The following PROM1 variants were observed in gnomAD, a reference collection of about 807,000 sequenced individuals.
PROM1 encodes the protein prominin 1.
PROM1 carries 105 observed loss-of-function variants against 116.9 expected under a neutral mutation model. That is an observed-to-expected ratio of 0.90 (90% CI 0.77 to 1.06). PROM1 has a LOEUF of 1.06. Ranked by LOEUF, PROM1 falls within the 50% of genes least tolerant of loss-of-function variation. The probability of loss-of-function intolerance (pLI) is 0.00; values close to 1 mark genes in which losing one functional copy is unlikely to be tolerated. For synonymous variants in PROM1, 393 were observed against 387.0 expected (o/e 1.02, Z -0.18); for missense variants, 1,122 against 1,045.2 (o/e 1.07, Z -1.01).
chr4:16,082,313 C>T (rs1745190714), intron 1 of PROM1: 1 of 152,040 alleles, frequency 6.6e-6, no homozygotes, highest in Admixed American at 6.6e-5. Flanking sequence ...TATGATTCAA[C>T]CCAACATATC....
intron 15 of PROM1, among the ~76,000 whole-genome samples, chr4:15,997,357 T>C (rs1353328103): frequency 2.0e-5 from 3 of 149,392 alleles, no homozygotes; most frequent in Non-Finnish European, 4.5e-5. Flanking sequence ...GCTCACTGTG[T>C]AGTGTCTGCT....
At chr4:15,990,023 C>A (rs1451082330) in intron 18 of PROM1, among the ~76,000 whole-genome samples, 199 bp from the exon 19 acceptor site, 15 of 152,064 alleles carry the variant, frequency 9.9e-5, no homozygotes, top group Non-Finnish European at 2.1e-4. Flanking sequence ...GGACTCTCAG[C>A]AATAACCCAC....
intron 2 of PROM1, among the ~76,000 whole-genome samples, chr4:16,058,530 C>T (rs1298063107): frequency 6.6e-6 from 1 of 151,682 alleles, no homozygotes; most frequent in African/African-American, 2.4e-5. Context: ...GCCTGTAATC[C>T]CAGCTACTGA....
In PROM1 at chr4:16,061,143, G is replaced by C. The variant is rs539322126; in HGVS notation, c.220+14544C>G. On this transcript the variant is annotated intron_variant, in intron 2 of 27. Coordinates refer to ENST00000447510, the MANE Select transcript of PROM1 (RefSeq NM_006017.3). ...CTTGGAAATAAATTGTTAAGTCCCT[G>C]AAATAGAAATAGCCATCACAAAATC... 3.3e-5 allele frequency among the ~76,000 whole-genome samples: 5 copies of C among 152,276 alleles called. No homozygotes were observed. The South Asian group carries it at 1.0e-3, about 32-fold the overall frequency.
intron 2 of PROM1, among the ~76,000 whole-genome samples, chr4:16,052,022 C>T (rs1222111475): frequency 6.6e-6 from 1 of 152,212 alleles, no homozygotes; most frequent in Non-Finnish European, 1.5e-5. Flanking sequence ...TGCCCAAAGG[C>T]TACCTTCTTT....
chr4:15,975,205 C>T lies in PROM1; in HGVS notation c.2583-4123G>A, dbSNP rs62288712. Among the ~76,000 whole-genome samples the T allele has an allele frequency of 8.2e-3, 1,244 of 152,272 alleles. 9 individuals are homozygous for T. Among genetic ancestry groups the T allele is most frequent in the Non-Finnish European group, 0.014 (940 of 68,002 alleles). ...ACCTCATTGAACCCTCACAACCCTA[C>T]GCAAACAAGGCTCTTATTTTTATTT... On this transcript the variant is annotated intron_variant, in intron 26 of 27. Transcript: ENST00000447510.
Position 16,076,081 on chromosome 4 carries a change from A to G in PROM1, c.-175T>C. The G allele has an allele frequency of 7.5e-7, 1 of 1,331,502 alleles. No homozygotes were observed. The allele number at this position is 1,331,502 out of a possible 1,614,324, so 82.5% of individuals were successfully genotyped here. A position where few individuals can be genotyped will look rare whatever the true frequency, so the allele number is the denominator to read the frequency against. On this transcript the variant is annotated 5_prime_UTR_variant, in exon 2 of 28. Transcript: ENST00000447510. ...GGCTTGAGGCGAGGGATGCGGAAGA[A>G]TGTTCTCCAAGGGGGTCATTCACTC...
intron 2 of PROM1, among the ~76,000 whole-genome samples, chr4:16,045,311 C>T (rs1371727107): frequency 2.0e-5 from 3 of 152,120 alleles, no homozygotes; most frequent in African/African-American, 7.2e-5. Flanking sequence ...TGCATGTTTG[C>T]CCTCTTTATT....
intron 12 of PROM1, among the ~76,000 whole-genome samples, chr4:16,007,196 G>A (rs767644329): frequency 6.6e-6 from 1 of 152,146 alleles, no homozygotes; most frequent in Non-Finnish European, 1.5e-5. Context: ...AATATTTGGG[G>A]CCACTGTGTT....
chr4:16,080,868 G>C (rs1744906134), intron 1 of PROM1, among the ~76,000 whole-genome samples: 1 of 152,152 alleles, frequency 6.6e-6, no homozygotes, highest in Non-Finnish European at 1.5e-5. Context: ...AGCAATGATG[G>C]CAGCAATGCC....
chr4:16,028,624 C>G (rs28704931), intron 5 of PROM1, among the ~76,000 whole-genome samples: 6,427 of 152,088 alleles, frequency 0.042, 459 homozygotes, highest in African/African-American at 0.15. Flanking sequence ...CCCTGTTGTT[C>G]AGTGTATTTT....
At chr4:15,977,834 G>A (rs60617563) in intron 26 of PROM1, among the ~76,000 whole-genome samples, 3,640 of 152,244 alleles carry the variant, frequency 0.024, 58 homozygotes, top group East Asian at 0.1. Flanking sequence ...TCCTGACCTC[G>A]TGATCCACCC....
chr4:16,046,475 G>C (rs1487436834), intron 2 of PROM1, among the ~76,000 whole-genome samples: 1 of 152,136 alleles, frequency 6.6e-6, no homozygotes, highest in African/African-American at 2.4e-5. Context: ...GAAATGTCTA[G>C]TTATTTGCAT....
chr4:16,015,093 C>G (rs1727953567), intron 10 of PROM1, among the ~76,000 whole-genome samples: 1 of 152,160 alleles, frequency 6.6e-6, no homozygotes, highest in Non-Finnish European at 1.5e-5. Context: ...TGCCTGTAAT[C>G]CCAGCACTTT....
At chr4:16,064,085 A>T (rs1740954830) in intron 2 of PROM1, among the ~76,000 whole-genome samples, 2 of 152,206 alleles carry the variant, frequency 1.3e-5, no homozygotes, top group South Asian at 4.1e-4. Flanking sequence ...AGATGAAAAA[A>T]ATGCATACCC....
chr4:16,008,977 G>T lies in PROM1; in HGVS notation c.1273C>A (p.Pro425Thr). The change falls in exon 12 of 28, where the codon CCT (proline) becomes ACT (threonine). Residue 425 changes from proline to threonine, a missense_variant. By Grantham distance (38) the Pro-to-Thr change is conservative (BLOSUM62 -1). Coordinates refer to ENST00000447510, the MANE Select transcript of PROM1 (RefSeq NM_006017.3). Reference sequence around the variant, plus strand: ...TATGAATCATACTCTTCCAATGTAGGTAAATTTCTGTGGATGTAACTTTCA... The same window carrying T: ...TATGAATCATACTCTTCCAATGTAGTTAAATTTCTGTGGATGTAACTTTCA... ...NTESYIHRNL[P>T]TLEEYDSYWW... 6.3e-7 allele frequency: 1 copy of T among 1,593,616 alleles called. No homozygotes were observed. The highest frequency in any genetic ancestry group is 8.6e-7 in the Non-Finnish European group (1 of 1,162,314).
Position 16,016,149 on chromosome 4 carries a change from T to A in PROM1, c.1077+17A>T, listed in dbSNP as rs748491065. The A allele has an allele frequency of 9.7e-6, 15 of 1,545,552 alleles. No individual in the cohort carries two copies. The Admixed American group carries it at 1.8e-4, about 18-fold the overall frequency. On this transcript the variant is annotated intron_variant, in intron 10 of 27. Coordinates refer to ENST00000447510, the MANE Select transcript of PROM1 (RefSeq NM_006017.3). Reference sequence around the variant, plus strand: ...AATGATATAAAATCAGTGATTGTATTTTTTCCAAAAGCATACCTGTTGGAC... The same window carrying A: ...AATGATATAAAATCAGTGATTGTATATTTTCCAAAAGCATACCTGTTGGAC...
chr4:16,006,916 T>A (rs1725659217), intron 12 of PROM1, among the ~76,000 whole-genome samples: 1 of 152,224 alleles, frequency 6.6e-6, no homozygotes, highest in South Asian at 2.1e-4. Flanking sequence ...TAGGTTTGCA[T>A]TGTTCCTGGT....
chr4:16,047,222 TGAGA>T lies in PROM1; in HGVS notation c.221-8225_221-8222del, dbSNP rs966122392. ...CAAGGGTACTGCCTTTCTTTTTTTT[TGAGA>T]GAGAGAGAGTCTCTGTCGCCCAGGC... On this transcript the variant is annotated intron_variant, in intron 2 of 27. Coordinates refer to ENST00000447510, the MANE Select transcript of PROM1 (RefSeq NM_006017.3). 1.0e-3 allele frequency among the ~76,000 whole-genome samples: 159 copies of T among 152,048 alleles called. 2 individuals are homozygous for T. Among genetic ancestry groups the T allele is most frequent in the African/African-American group, 3.8e-3 (156 of 41,460 alleles).
Sources: allele counts gnomAD v4.1 joint callset (sites outside exome capture counted in the v4.1 genomes callset), GRCh38; gene constraint gnomAD v4.1.1; transcripts MANE v1.5; gene names NCBI Gene and HGNC (gene_info 2026-07-23, HGNC 2026-07-21).